The following ANKFN1 variants were observed in gnomAD, a reference collection of about 807,000 sequenced individuals.
ANKFN1 encodes ankyrin repeat and fibronectin type-III domain-containing protein 1.
In ANKFN1, 74 loss-of-function variants were observed where a neutral mutation model predicts 108.7. That is an observed-to-expected ratio of 0.68 (90% CI 0.56 to 0.83). ANKFN1 has a LOEUF of 0.83. Among genes scored for constraint, ANKFN1 ranks in the 40% least tolerant of loss-of-function variants. The pLI is 0.00. For synonymous variants in ANKFN1, 547 were observed against 516.2 expected (o/e 1.06, Z -0.81); for missense variants, 1,505 against 1,382.3 (o/e 1.09, Z -1.41).
intron 8 of ANKFN1, among the ~76,000 whole-genome samples, chr17:56,433,259 G>T (rs1420753948): frequency 6.6e-6 from 1 of 152,064 alleles, no homozygotes; most frequent in Non-Finnish European, 1.5e-5. Flanking sequence ...CCATGTAAAT[G>T]TTGGTTGCTA....
intron 6 of ANKFN1, among the ~76,000 whole-genome samples, chr17:56,354,597 T>C (rs1466682262): frequency 1.3e-5 from 2 of 152,204 alleles, no homozygotes; most frequent in African/African-American, 2.4e-5. Context: ...ATAAACGCTG[T>C]GAAGAAAATA....
chr17:56,271,240 C>T (rs2043785702), intron 3 of ANKFN1, among the ~76,000 whole-genome samples: 1 of 152,228 alleles, frequency 6.6e-6, no homozygotes, highest in South Asian at 2.1e-4. Flanking sequence ...AACTTCTGGA[C>T]TCAGTTCACC....
chr17:56,150,678 A>G (rs16956768), upstream of ANKFN1, among the ~76,000 whole-genome samples: 10,162 of 152,108 alleles, frequency 0.067, 444 homozygotes, highest in Admixed American at 0.13. Flanking sequence ...GCACCTTATG[A>G]TGAATGCCGA....
chr17:56,289,688 T>G (rs1221824058), intron 3 of ANKFN1, among the ~76,000 whole-genome samples: 1 of 152,198 alleles, frequency 6.6e-6, no homozygotes, highest in Non-Finnish European at 1.5e-5. Flanking sequence ...CGGGATTGCT[T>G]TGGAATCCTC....
intron 1 of ANKFN1, among the ~76,000 whole-genome samples, chr17:56,165,096 G>A (rs889345218): frequency 7.2e-5 from 11 of 152,166 alleles, no homozygotes; most frequent in African/African-American, 2.7e-4. Context: ...TAAGCTCTGT[G>A]TCAGTATCAT....
At chr17:56,402,369 G>A (rs1295458855) in intron 8 of ANKFN1, among the ~76,000 whole-genome samples, 1 of 152,112 alleles carries the variant, frequency 6.6e-6, no homozygotes, top group African/African-American at 2.4e-5. Flanking sequence ...CTCGCTGCTT[G>A]CTACTGGTCT....
intron 4 of ANKFN1, among the ~76,000 whole-genome samples, chr17:56,048,853 A>G (rs1341696544): frequency 1.3e-5 from 2 of 152,086 alleles, no homozygotes; most frequent in Non-Finnish European, 2.9e-5. Flanking sequence ...GCCAGCATAG[A>G]GCTAAGCGCA....
At chr17:56,468,171 A>C (rs2050196084) in intron 15 of ANKFN1, among the ~76,000 whole-genome samples, 1 of 152,182 alleles carries the variant, frequency 6.6e-6, no homozygotes, top group Non-Finnish European at 1.5e-5. Flanking sequence ...TTTCTGCTAC[A>C]TTATGTCATA....
chr17:56,265,400 A>G (rs919469488), intron 3 of ANKFN1, among the ~76,000 whole-genome samples: 22 of 152,184 alleles, frequency 1.4e-4, no homozygotes, highest in Non-Finnish European at 2.9e-5. Flanking sequence ...TCTCTTGAGA[A>G]CACCATGGAG....
intron 4 of ANKFN1, among the ~76,000 whole-genome samples, chr17:56,048,325 T>A (rs1904715193): frequency 6.6e-6 from 1 of 152,246 alleles, no homozygotes; most frequent in East Asian, 1.9e-4. Context: ...GGATGAATTC[T>A]TAACATTGAT....
chr17:56,172,698 A>G (rs1162657521), intron 1 of ANKFN1, among the ~76,000 whole-genome samples: 1 of 152,186 alleles, frequency 6.6e-6, no homozygotes, highest in Non-Finnish European at 1.5e-5. Flanking sequence ...ATTTGCTGAA[A>G]CAAGCTGTTT....
At chr17:56,409,297 T>G (rs1732317305) in intron 8 of ANKFN1, among the ~76,000 whole-genome samples, 1 of 152,172 alleles carries the variant, frequency 6.6e-6, no homozygotes, top group African/African-American at 2.4e-5. Flanking sequence ...GAGCTGACTT[T>G]CAGTAATCTT....
chr17:56,516,601 T>C lies in ANKFN1; in HGVS notation c.*5332T>C, dbSNP rs995148531. On this transcript the variant is annotated 3_prime_UTR_variant, in exon 21 of 21. Coordinates refer to ENST00000682825, the MANE Select transcript of ANKFN1 (RefSeq NM_001370326.1). ...TTTTTTTGTATGTACATTTGAAAAC[T>C]ATTTGAACAATCTAAATGTGTACTG... 3.9e-5 allele frequency among the ~76,000 whole-genome samples: 6 copies of C among 152,312 alleles called. No individual in the cohort carries two copies. The East Asian group carries it at 9.6e-4, about 24-fold the overall frequency.
chr17:56,203,367 A>T (rs1326821451), intron 1 of ANKFN1, among the ~76,000 whole-genome samples: 1 of 152,166 alleles, frequency 6.6e-6, no homozygotes, highest in Admixed American at 6.5e-5. Context: ...TCCTGTGCCC[A>T]TTCACATCCA....
At chr17:56,097,921 A>G (rs984380014) in intron 4 of ANKFN1, among the ~76,000 whole-genome samples, 2 of 152,184 alleles carry the variant, frequency 1.3e-5, no homozygotes, top group African/African-American at 4.8e-5. Flanking sequence ...CCCTCCAAAA[A>G]TATATCCATG....
chr17:56,152,581 T>C (rs16956784), upstream of ANKFN1, among the ~76,000 whole-genome samples: 6,499 of 152,176 alleles, frequency 0.043, 458 homozygotes, highest in African/African-American at 0.15. Context: ...AAGCCACATC[T>C]GCTGAGCCTC....
At chr17:56,389,128 T>G (rs2047359358) in intron 8 of ANKFN1, among the ~76,000 whole-genome samples, 1 of 152,202 alleles carries the variant, frequency 6.6e-6, no homozygotes, top group Non-Finnish European at 1.5e-5. Context: ...TATAGCAACT[T>G]TATACCTAAT....
At chr17:56,403,195 T>C (rs1271837943) in intron 8 of ANKFN1, among the ~76,000 whole-genome samples, 4 of 152,186 alleles carry the variant, frequency 2.6e-5, no homozygotes, top group Admixed American at 6.5e-5. Flanking sequence ...AACTGTTCTG[T>C]ATATATCTGT....
intron 1 of ANKFN1, among the ~76,000 whole-genome samples, chr17:56,188,575 GTGTGTGTATA>G (rs1366794428): frequency 1.1e-4 from 10 of 88,206 alleles, no homozygotes; most frequent in African/African-American, 3.9e-4. Context: ...GTGTGTGTGT[GTGTGTGTATA>G]TATATATATA....
Sources: gnomAD v4.1 joint callset for allele counts (sites outside exome capture counted in the v4.1 genomes callset) on GRCh38, gnomAD v4.1.1 for gene constraint, MANE v1.5 for transcripts, NCBI Gene and HGNC (gene_info 2026-07-23, HGNC 2026-07-21) for gene names.